The following TPP2 variants were observed in gnomAD, a reference collection of about 807,000 sequenced individuals.
The protein encoded by TPP2 is tripeptidyl-peptidase 2.
A neutral mutation model predicts 155.9 loss-of-function variants in TPP2; 34 were observed. The observed-to-expected ratio is 0.22, with a 90% CI of 0.17 to 0.29. The LOEUF (loss-of-function observed/expected upper bound fraction) is 0.29, where lower values mean the gene tolerates loss of function less well. Ranked by LOEUF, TPP2 falls within the 10% of genes least tolerant of loss-of-function variation. The pLI is 1.00. For missense variants in TPP2, 1,028 were observed against 1,522.3 expected (o/e 0.68, Z 5.40); for synonymous variants, 510 against 529.4 (o/e 0.96, Z 0.50).
intron 24 of TPP2, 46 bp downstream of exon 24, chr13:102,651,443 G>A (rs1156515936): frequency 1.3e-6 from 2 of 1,547,360 alleles, no homozygotes. Flanking sequence ...AGCCTTATTT[G>A]CATATTAAAC....
At chr13:102,642,186 C>T (rs576429947) in intron 16 of TPP2, among the ~76,000 whole-genome samples, 5 of 152,248 alleles carry the variant, frequency 3.3e-5, no homozygotes, top group Admixed American at 1.3e-4. Context: ...AGCTTGTCTT[C>T]GTTGGGATTA....
intron 3 of TPP2, among the ~76,000 whole-genome samples, chr13:102,615,499 T>C (rs1428480631): frequency 1.3e-5 from 2 of 152,206 alleles, no homozygotes; most frequent in Admixed American, 1.3e-4. Context: ...AAGATGTGAT[T>C]TAATATGCAA....
rs758726063 is a variant in TPP2 at position 102,648,997 on chromosome 13, C to T, written c.2719C>T (p.Pro907Ser). ...ISDLERLKDL[P>S]FIVSHRLSNT... ...TGATTTGGAACGCCTTAAAGACCTT[C>T]CATTTATTGTTTCTCATAGATTGTC... Residue 907 changes from proline (P) to serine (S), a missense_variant, in exon 22 of 30, where the codon CCA becomes TCA. Pro to Ser is a moderately conservative substitution (Grantham distance 74). Around this residue, in one of 7 missense-constraint regions of TPP2, gnomAD observed 179 missense variants for 274.7 expected, o/e 0.65. Transcript: ENST00000376052. 1 of 1,613,832 alleles carries T rather than the reference C, an allele frequency of 6.2e-7. No individual in the cohort carries two copies. The highest frequency in any genetic ancestry group is 8.5e-7 in the Non-Finnish European group (1 of 1,179,926).
At chr13:102,668,600 C>T (rs778121336) in intron 27 of TPP2, among the ~76,000 whole-genome samples, 4 of 152,292 alleles carry the variant, frequency 2.6e-5, no homozygotes, top group South Asian at 4.1e-4. Flanking sequence ...TATGTTACCC[C>T]CTTCCAGCCA....
chr13:102,672,889 G>T (rs1885068934), intron 27 of TPP2, among the ~76,000 whole-genome samples: 1 of 152,200 alleles, frequency 6.6e-6, no homozygotes. Context: ...AGTGAAAGTT[G>T]GTTCTTCAAG....
chr13:102,639,737 CCG>C (rs1283708702), intron 15 of TPP2, among the ~76,000 whole-genome samples: 4 of 152,174 alleles, frequency 2.6e-5, no homozygotes, highest in African/African-American at 9.7e-5. Flanking sequence ...AAATTTGTTT[CCG>C]TGGTGGGTAG....
chr13:102,627,623 G>GTT (rs199744416), intron 7 of TPP2, among the ~76,000 whole-genome samples: 3 of 143,766 alleles, frequency 2.1e-5, no homozygotes, highest in Non-Finnish European at 3.0e-5. Context: ...AGAAATGCTA[G>GTT]TTTTTTGTTT....
At position 102,633,383 on chromosome 13, in the gene TPP2, AC is replaced by A. The variant is rs138236340; in HGVS notation, c.1245-566del. Among the ~76,000 whole-genome samples the A allele has an allele frequency of 5.3e-3, 814 of 152,352 alleles. 7 individuals carry two copies. Among genetic ancestry groups the A allele is most frequent in the African/African-American group, 0.019 (786 of 41,566 alleles). The stretch of plus-strand genomic sequence containing the variant: ...ATTTCAAAGACTTGGTACAAAAAAA[AC>A]AATGTAAACTAATTCATTTTTCTTT... On this transcript the variant is annotated intron_variant, in intron 10 of 29. Coordinates refer to ENST00000376052, the MANE Select transcript of TPP2 (RefSeq NM_001330588.2).
At chr13:102,637,362 C>T in intron 14 of TPP2, 123 bp downstream of exon 14, 1 of 1,036,538 alleles carries the variant, frequency 9.6e-7, no homozygotes, top group Non-Finnish European at 1.3e-6. Flanking sequence ...ACCTATCCAT[C>T]TGCCAGGTTA....
At chr13:102,612,362 T>C (rs976065109) in intron 2 of TPP2, among the ~76,000 whole-genome samples, 2 of 152,180 alleles carry the variant, frequency 1.3e-5, no homozygotes, top group Non-Finnish European at 2.9e-5. Flanking sequence ...ATCCTCTCTT[T>C]AAGAGAGTCA....
chr13:102,643,180 T>A (rs1452495692), intron 16 of TPP2, 42 bp from the exon 17 acceptor site: 1 of 1,529,502 alleles, frequency 6.5e-7, no homozygotes, highest in Non-Finnish European at 8.7e-7. Flanking sequence ...CAATTTTAGG[T>A]CTTATAAGTT....
chr13:102,642,682 T>C lies in TPP2; in HGVS notation c.2021-540T>C, dbSNP rs535642025. Among the ~76,000 whole-genome samples the C allele has an allele frequency of 2.0e-5, 3 of 152,304 alleles. No individual in the cohort carries two copies. In the South Asian group the frequency reaches 6.2e-4, roughly 32 times the overall value. On this transcript the variant is annotated intron_variant, in intron 16 of 29. Coordinates refer to ENST00000376052, the MANE Select transcript of TPP2 (RefSeq NM_001330588.2). ...CTGCCAATCTGGCATTGCGGTGATC[T>C]TGGCTTACCTCCAGCGCTGGCTCAG...
At chr13:102,613,294 GATGAAGGAC>G (rs957010022) in intron 2 of TPP2, among the ~76,000 whole-genome samples, 3 of 152,192 alleles carry the variant, frequency 2.0e-5, no homozygotes, top group African/African-American at 7.2e-5. Flanking sequence ...GAAGTAATTG[GATGAAGGAC>G]ATGGGGATGA....
chr13:102,610,210 C>CATTTATTT (rs937703693), intron 2 of TPP2, among the ~76,000 whole-genome samples: 5 of 152,014 alleles, frequency 3.3e-5, no homozygotes, highest in African/African-American at 7.2e-5. Flanking sequence ...TGTAGTCGTG[C>CATTTATTT]ATTTATTTAT....
chr13:102,648,541 G>A (rs1041194059), intron 21 of TPP2, among the ~76,000 whole-genome samples: 4 of 151,832 alleles, frequency 2.6e-5, no homozygotes, highest in Admixed American at 6.6e-5. Context: ...GTCTCTGAGG[G>A]ACCCATGAAC....
At chr13:102,659,863 C>G (rs1412078644) in intron 25 of TPP2, among the ~76,000 whole-genome samples, 1 of 152,060 alleles carries the variant, frequency 6.6e-6, no homozygotes, top group Admixed American at 6.6e-5. Context: ...AAAAGCAGTT[C>G]TGTAAATATT....
intron 16 of TPP2, among the ~76,000 whole-genome samples, chr13:102,641,058 G>A (rs1882735820): frequency 6.6e-6 from 1 of 152,300 alleles, no homozygotes; most frequent in Non-Finnish European, 1.5e-5. Context: ...TTGAAGCTCT[G>A]TTTATAGAAG....
At chr13:102,626,130 C>T (rs1004687859) in intron 6 of TPP2, among the ~76,000 whole-genome samples, 3 of 152,200 alleles carry the variant, frequency 2.0e-5, no homozygotes, top group African/African-American at 7.2e-5. Flanking sequence ...ACCCTCCCAC[C>T]TCCTACAGTT....
chr13:102,662,326 T>G (rs1050683612), intron 25 of TPP2, among the ~76,000 whole-genome samples: 25 of 152,160 alleles, frequency 1.6e-4, no homozygotes, highest in Admixed American at 1.6e-3. Flanking sequence ...GTTTTAAAGT[T>G]GACTGTTGTG....
Sources: allele counts gnomAD v4.1 joint callset (sites outside exome capture counted in the v4.1 genomes callset), GRCh38; gene constraint gnomAD v4.1.1; regional missense constraint gnomAD v4.1.1; transcripts MANE v1.5; gene names NCBI Gene and HGNC (gene_info 2026-07-23, HGNC 2026-07-21).